Variants in LOC400499 observed in about 807,000 individuals in gnomAD.
At chr16:11,488,098 T>C in the LOC400499 span, among the ~76,000 whole-genome samples, 1 of 143,988 alleles carries the variant, frequency 6.9e-6, no homozygotes, top group Non-Finnish European at 1.5e-5. Context: ...GCCTGGGCAA[T>C]AGGGCGATAG....
At chr16:11,448,552 AAACAAACAAACAAAC>A in the LOC400499 span, among the ~76,000 whole-genome samples, 83,347 of 144,842 alleles carry the variant, frequency 0.58, 26,437 homozygotes, top group Non-Finnish European at 0.73. Flanking sequence ...ACAAACAAAC[AAACAAACAAACAAAC>A]GTCAGTGATG....
the LOC400499 span, among the ~76,000 whole-genome samples, chr16:11,463,053 C>T: frequency 6.6e-6 from 1 of 152,146 alleles, no homozygotes; most frequent in African/African-American, 2.4e-5. Context: ...CAGTACAACC[C>T]AAAGTCCTTG....
the LOC400499 span, chr16:11,393,323 CCCGT>C: frequency 1.9e-5 from 23 of 1,192,474 alleles, no homozygotes; most frequent in Non-Finnish European, 2.3e-5. Flanking sequence ...CGCCCAGACC[CCCGT>C]CCTTTCTTGA....
chr16:11,420,544 T>C, the LOC400499 span, among the ~76,000 whole-genome samples: 2 of 150,378 alleles, frequency 1.3e-5, no homozygotes, highest in South Asian at 2.1e-4. Context: ...TGTATACATA[T>C]GTAACTAACC....
the LOC400499 span, among the ~76,000 whole-genome samples, chr16:11,527,009 T>C: frequency 3.3e-5 from 5 of 152,136 alleles, no homozygotes; most frequent in Admixed American, 6.6e-5. Flanking sequence ...GAAAGGCAGG[T>C]CAACAGGCAT....
chr16:11,412,764 G>A, the LOC400499 span: 1 of 397,864 alleles, frequency 2.5e-6, no homozygotes. Flanking sequence ...GAGGTGCTGT[G>A]TCCAGCGATG....
At chr16:11,438,998 T>C in the LOC400499 span, among the ~76,000 whole-genome samples, 13 of 152,208 alleles carry the variant, frequency 8.5e-5, no homozygotes, top group Admixed American at 7.9e-4. Flanking sequence ...CCTGTTGGGA[T>C]TCCCTATTTA....
the LOC400499 span, among the ~76,000 whole-genome samples, chr16:11,527,388 G>C: frequency 2.6e-5 from 4 of 152,066 alleles, no homozygotes; most frequent in African/African-American, 9.7e-5. Flanking sequence ...CCGACAGAGA[G>C]GAGGGGAGGG....
the LOC400499 span, among the ~76,000 whole-genome samples, chr16:11,409,280 A>T: frequency 1.3e-5 from 2 of 152,018 alleles, no homozygotes; most frequent in Admixed American, 1.3e-4. Flanking sequence ...AAAAATAAAT[A>T]AAAAAATAAA....
chr16:11,436,146 G>A, the LOC400499 span, among the ~76,000 whole-genome samples: 23 of 152,194 alleles, frequency 1.5e-4, no homozygotes, highest in East Asian at 2.1e-3. Flanking sequence ...CTGTACAAAT[G>A]GGGAAACTGA....
chr16:11,521,227 AC>A, the LOC400499 span, among the ~76,000 whole-genome samples: 1 of 152,232 alleles, frequency 6.6e-6, no homozygotes, highest in African/African-American at 2.4e-5. Context: ...TCCAGCCAGT[AC>A]AAAAATGCAT....
At chr16:11,465,852 GAA>G in the LOC400499 span, among the ~76,000 whole-genome samples, 2 of 151,438 alleles carry the variant, frequency 1.3e-5, no homozygotes, top group African/African-American at 2.4e-5. Flanking sequence ...GTGGGAAGAG[GAA>G]AAGAGAGGGA....
chr16:11,379,097 C>T, the LOC400499 span, among the ~76,000 whole-genome samples: 3 of 152,244 alleles, frequency 2.0e-5, no homozygotes, highest in South Asian at 6.2e-4. Flanking sequence ...AACCCTGTCT[C>T]TACTGAAAAT....
the LOC400499 span, among the ~76,000 whole-genome samples, chr16:11,421,846 C>G: frequency 1.3e-5 from 2 of 152,188 alleles, no homozygotes; most frequent in Non-Finnish European, 2.9e-5. Context: ...AGTTCTGGAA[C>G]TTGCAAGCAC....
the LOC400499 span, chr16:11,472,303 C>G: frequency 2.6e-5 from 4 of 152,170 alleles, no homozygotes; most frequent in East Asian, 7.7e-4. Context: ...AGTGATTCTC[C>G]TGCCTCAGCC....
the LOC400499 span, among the ~76,000 whole-genome samples, chr16:11,449,795 C>G: frequency 9.8e-5 from 15 of 152,376 alleles, no homozygotes; most frequent in Admixed American, 7.2e-4. Context: ...GCCAAGACCT[C>G]AGAGCCATTT....
chr16:11,378,262 T>C, the LOC400499 span, among the ~76,000 whole-genome samples: 2 of 114,124 alleles, frequency 1.8e-5, no homozygotes, highest in African/African-American at 3.0e-5. Flanking sequence ...TTTTTTTTTT[T>C]TTTTGCCGGG....
chr16:11,492,871 G>C, the LOC400499 span, among the ~76,000 whole-genome samples: 1 of 152,138 alleles, frequency 6.6e-6, no homozygotes, highest in Admixed American at 6.5e-5. Flanking sequence ...GGACCTGGGA[G>C]GTTCAATTTC....
At chr16:11,458,955 T>C in the LOC400499 span, among the ~76,000 whole-genome samples, 1 of 151,584 alleles carries the variant, frequency 6.6e-6, no homozygotes, top group Non-Finnish European at 1.5e-5. Flanking sequence ...GAGAATTGCA[T>C]GAACCCAGGA....
Sources: allele counts gnomAD v4.1 joint callset (sites outside exome capture counted in the v4.1 genomes callset), GRCh38; gene constraint gnomAD v4.1.1; transcripts MANE v1.5.